The following RGS17 variants were observed in gnomAD, a reference collection of about 807,000 sequenced individuals.
The protein encoded by RGS17 is regulator of G protein signaling 17.
A neutral mutation model predicts 25.5 loss-of-function variants in RGS17; 12 were observed. That is an observed-to-expected ratio of 0.47 (90% CI 0.30 to 0.76). The LOEUF (loss-of-function observed/expected upper bound fraction) is 0.76. Ranked by LOEUF, RGS17 falls within the 30% of genes least tolerant of loss-of-function variation. RGS17 has a pLI of 0.07. For missense variants in RGS17, 196 were observed against 242.2 expected, an observed-to-expected ratio of 0.81 and a Z score of 1.27; for synonymous variants, 71 against 76.9, an observed-to-expected ratio of 0.92 and a Z score of 0.40.
intron 1 of RGS17, among the ~76,000 whole-genome samples, chr6:153,091,727 G>T (rs146328289): frequency 3.3e-5 from 5 of 152,130 alleles, no homozygotes; most frequent in Non-Finnish European, 5.9e-5. Flanking sequence ...TACCCAGGCT[G>T]GTCTCGGACT....
At chr6:153,119,321 AC>A (rs1248909510) in intron 1 of RGS17, among the ~76,000 whole-genome samples, 1 of 152,104 alleles carries the variant, frequency 6.6e-6, no homozygotes, top group African/African-American at 2.4e-5. Flanking sequence ...GTATTTGTCC[AC>A]CCTACATTTT....
rs1354147742 is a variant in RGS17 at position 153,011,872 on chromosome 6, C to T, written c.445-110G>A. ...GAGAAACTTTAAAGAGCAAATCCAACTACCAAAAGTCTTGGGTTCATCTTT... is the reference window on the plus strand; with the variant it reads ...GAGAAACTTTAAAGAGCAAATCCAATTACCAAAAGTCTTGGGTTCATCTTT... On this transcript the variant is annotated intron_variant, in intron 4 of 4. Coordinates refer to ENST00000206262, the MANE Select transcript of RGS17 (RefSeq NM_012419.5). The T allele has an allele frequency of 5.5e-6, 4 of 731,368 alleles. No homozygotes were observed. In the African/African-American group the frequency reaches 7.2e-5, roughly 13 times the overall value. The allele number at this position is 731,368 out of a possible 1,614,324, so 45.3% of individuals were successfully genotyped here. A position where few individuals can be genotyped will look rare whatever the true frequency, so the allele number is the denominator to read the frequency against.
rs996112976 is a variant in RGS17 at position 153,028,938 on chromosome 6, C to T, written c.120-2395G>A. Reference sequence around the variant, plus strand: ...AATTTTTTTCTCCGTTGTGCCTTTGCCGTAGAGTGACAAATCTGGAGTCTA... The same window carrying T: ...AATTTTTTTCTCCGTTGTGCCTTTGTCGTAGAGTGACAAATCTGGAGTCTA... On this transcript the variant is annotated intron_variant, in intron 2 of 4. Transcript: ENST00000206262. Among the ~76,000 whole-genome samples the T allele has an allele frequency of 2.6e-5, 4 of 152,166 alleles. No homozygotes were observed. The South Asian group carries it at 8.3e-4, about 31-fold the overall frequency.
intron 1 of RGS17, among the ~76,000 whole-genome samples, chr6:153,071,057 G>A (rs567226986): frequency 3.3e-4 from 49 of 149,236 alleles, no homozygotes; most frequent in African/African-American, 1.1e-3. Flanking sequence ...ATGTGTATAC[G>A]CATATGTACA....
intron 1 of RGS17, among the ~76,000 whole-genome samples, chr6:153,055,544 G>C (rs1776542106): frequency 6.6e-6 from 1 of 150,550 alleles, no homozygotes; most frequent in African/African-American, 2.4e-5. Context: ...ACATACCTGT[G>C]CACAAAACTG....
In RGS17 at chr6:153,005,333, A is replaced by T. The variant is rs1779063690; in HGVS notation, c.*6241T>A. On this transcript the variant is annotated 3_prime_UTR_variant, in exon 5 of 5. Coordinates refer to ENST00000206262, the MANE Select transcript of RGS17 (RefSeq NM_012419.5). ...TTCTGGAGTTTTATTTTTCCACTTC[A>T]CTGTATTTTCTTTATAGCATTTATT... is the stretch of plus-strand genomic sequence containing the variant. The T allele has an allele frequency of 1.3e-5, 2 of 152,202 alleles. No homozygotes were observed. Among genetic ancestry groups the T allele is most frequent in the African/African-American group, 4.8e-5 (2 of 41,456 alleles). 9.4% of individuals were successfully genotyped at this position (152,202 alleles called of 1,614,324 possible). A position where few individuals can be genotyped will look rare whatever the true frequency, so the allele number is the denominator to read the frequency against.
Position 153,054,027 on chromosome 6 carries a change from A to AT in RGS17, c.-25-9985dup, listed in dbSNP as rs1186121167. 4.6e-5 allele frequency among the ~76,000 whole-genome samples: 3 copies of AT among 64,860 alleles called. 1 individual carries two copies. Among genetic ancestry groups the AT allele is most frequent in the Non-Finnish European group, 8.5e-5 (3 of 35,278 alleles). The allele number at this position is 64,860 out of a possible 152,430, so 42.6% of individuals were successfully genotyped here. ...ATATATACGTATATATGTATATAATATATATACATATATATGTATATATGT... is the reference window on the plus strand; with the variant it reads ...ATATATACGTATATATGTATATAATATTATATACATATATATGTATATATGT... On this transcript the variant is annotated intron_variant, in intron 1 of 4. Coordinates refer to ENST00000206262, the MANE Select transcript of RGS17 (RefSeq NM_012419.5).
intron 1 of RGS17, among the ~76,000 whole-genome samples, chr6:153,062,470 C>T (rs963863640): frequency 1.3e-5 from 2 of 152,278 alleles, no homozygotes; most frequent in East Asian, 3.9e-4. Context: ...TCACTACTCC[C>T]AGAGGCTGGA....
chr6:153,049,567 T>A (rs976280288), intron 1 of RGS17, among the ~76,000 whole-genome samples: 2 of 151,874 alleles, frequency 1.3e-5, no homozygotes, highest in African/African-American at 4.8e-5. Flanking sequence ...CTGGCTAACA[T>A]GGTGAAACCC....
intron 1 of RGS17, among the ~76,000 whole-genome samples, chr6:153,085,071 T>A (rs751928880): frequency 6.6e-6 from 1 of 152,188 alleles, no homozygotes; most frequent in Non-Finnish European, 1.5e-5. Context: ...TTCTCTCTTA[T>A]ATGTACTTTT....
At chr6:153,110,869 T>C (rs1232840296) in intron 1 of RGS17, among the ~76,000 whole-genome samples, 1 of 152,114 alleles carries the variant, frequency 6.6e-6, no homozygotes, top group Non-Finnish European at 1.5e-5. Flanking sequence ...AGGGAAACCA[T>C]GAGGAAATGT....
intron 1 of RGS17, among the ~76,000 whole-genome samples, chr6:153,117,365 G>T (rs531496614): frequency 6.6e-6 from 1 of 152,232 alleles, no homozygotes; most frequent in African/African-American, 2.4e-5. Context: ...GCACCCACCA[G>T]GTCTCTCCCT....
At chr6:153,084,806 A>C (rs1777030872) in intron 1 of RGS17, among the ~76,000 whole-genome samples, 1 of 152,206 alleles carries the variant, frequency 6.6e-6, no homozygotes, top group East Asian at 1.9e-4. Flanking sequence ...GAAAAGCCTT[A>C]AGTGGTGCAA....
intron 1 of RGS17, among the ~76,000 whole-genome samples, chr6:153,124,594 A>T (rs1777679448): frequency 6.6e-6 from 1 of 152,194 alleles, no homozygotes; most frequent in Non-Finnish European, 1.5e-5. Context: ...TAACATTTTT[A>T]AATTGTCTTC....
intron 1 of RGS17, among the ~76,000 whole-genome samples, chr6:153,085,911 T>C (rs532834127): frequency 1.3e-5 from 2 of 150,436 alleles, no homozygotes; most frequent in African/African-American, 4.8e-5. Flanking sequence ...AAAACAACTG[T>C]AGAGGGGGCA....
intron 2 of RGS17, among the ~76,000 whole-genome samples, chr6:153,040,990 T>G (rs984983327): frequency 6.8e-5 from 7 of 102,666 alleles, no homozygotes; most frequent in Admixed American, 3.3e-4. Context: ...AGATGCTGAC[T>G]CCACTAAAAA....
chr6:153,047,670 G>T (rs988623906), intron 1 of RGS17, among the ~76,000 whole-genome samples: 1 of 152,134 alleles, frequency 6.6e-6, no homozygotes, highest in South Asian at 2.1e-4. Context: ...CACCATGTGA[G>T]GATACAGAAT....
intron 1 of RGS17, among the ~76,000 whole-genome samples, chr6:153,066,537 A>C (rs974369195): frequency 1.3e-5 from 2 of 152,162 alleles, no homozygotes; most frequent in Non-Finnish European, 2.9e-5. Context: ...ACAAAGACAC[A>C]TCAAAAAAAG....
chr6:153,080,747 G>A lies in RGS17; in HGVS notation c.-25-36704C>T, dbSNP rs569892317. Among the ~76,000 whole-genome samples the A allele has an allele frequency of 7.1e-4, 108 of 151,782 alleles. 3 individuals carry two copies. The South Asian group carries it at 0.022, about 31-fold the overall frequency. The stretch of plus-strand genomic sequence containing the variant: ...AGCATTGAATGCTGTAAAAAGCATT[G>A]AATGCTGTAAAATGTCACCTAAGCA... On this transcript the variant is annotated intron_variant, in intron 1 of 4. Coordinates refer to ENST00000206262, the MANE Select transcript of RGS17 (RefSeq NM_012419.5).
Sources: gnomAD v4.1 joint callset for allele counts (sites outside exome capture counted in the v4.1 genomes callset) on GRCh38, gnomAD v4.1.1 for gene constraint, MANE v1.5 for transcripts, NCBI Gene and HGNC (gene_info 2026-07-23, HGNC 2026-07-21) for gene names.